SPOP: variants seen among roughly 807,000 people sequenced by gnomAD.
The protein encoded by SPOP is speckle-type POZ protein.
A neutral mutation model predicts 45.6 loss-of-function variants in SPOP; 11 were observed. The observed-to-expected ratio is 0.24, with a 90% CI of 0.15 to 0.40. SPOP has a LOEUF of 0.40. Among genes scored for constraint, SPOP ranks in the 10% least tolerant of loss-of-function variants. The pLI, the probability that SPOP is intolerant of heterozygous loss-of-function variation, is 1.00. For missense variants in SPOP, 152 were observed against 465.6 expected, an observed-to-expected ratio of 0.33 and a Z score of 6.20; for synonymous variants, 166 against 166.3, an observed-to-expected ratio of 1.00 and a Z score of 0.01.
At chr17:49,643,191 T>G (rs1182530157) in intron 1 of SPOP, among the ~76,000 whole-genome samples, 1 of 152,226 alleles carries the variant, frequency 6.6e-6, no homozygotes, top group African/African-American at 2.4e-5. Flanking sequence ...GAAGTCCTAC[T>G]CAAACGCTTG....
intron 1 of SPOP, among the ~76,000 whole-genome samples, chr17:49,667,254 A>G (rs1488892922): frequency 6.6e-6 from 1 of 151,502 alleles, no homozygotes; most frequent in Non-Finnish European, 1.5e-5. Flanking sequence ...TTTTTTTTTA[A>G]CAAAATAAGT....
intron 1 of SPOP, among the ~76,000 whole-genome samples, chr17:49,663,129 A>G (rs2073010627): frequency 6.6e-6 from 1 of 152,220 alleles, no homozygotes; most frequent in Non-Finnish European, 1.5e-5. Flanking sequence ...CCTGTTAGGA[A>G]CCAGGCGCAC....
At position 49,600,111 on chromosome 17, in the gene SPOP, C is replaced by A; in HGVS notation, c.*267G>T. On this transcript the variant is annotated 3_prime_UTR_variant, in exon 10 of 10. Transcript: ENST00000504102. This position sits in a 1 kb window ranked among gnomAD's most constrained non-coding sequence, Gnocchi z 4.2. ...CACCGCTGGGATATCCTCGGGCCAG[C>A]GCCTAAACTGAATCCCCACAGTATC... 1 of 469,394 alleles carries A rather than the reference C, an allele frequency of 2.1e-6. No individual in the cohort carries two copies. Among genetic ancestry groups the A allele is most frequent in the East Asian group, 3.4e-5 (1 of 29,420 alleles). The allele number at this position is 469,394 out of a possible 1,614,324, so 29.1% of individuals were successfully genotyped here.
intron 1 of SPOP, among the ~76,000 whole-genome samples, chr17:49,624,470 T>G (rs1482564796): frequency 2.0e-5 from 3 of 152,048 alleles, no homozygotes; most frequent in African/African-American, 7.2e-5. Context: ...ATATATACAA[T>G]TTTTACTATT....
At chr17:49,650,604 T>C (rs1250840121) in intron 1 of SPOP, among the ~76,000 whole-genome samples, 2 of 152,006 alleles carry the variant, frequency 1.3e-5, no homozygotes, top group African/African-American at 4.8e-5. Context: ...CAATAATAAA[T>C]AAATAAGTAG....
intron 1 of SPOP, among the ~76,000 whole-genome samples, chr17:49,669,822 A>T (rs1279080572): frequency 2.6e-5 from 4 of 151,848 alleles, no homozygotes; most frequent in African/African-American, 9.7e-5. Context: ...AAAAACTGTC[A>T]TTTTTATTTA....
At chr17:49,625,912 AC>A (rs1174486621) in intron 1 of SPOP, among the ~76,000 whole-genome samples, 3 of 152,234 alleles carry the variant, frequency 2.0e-5, no homozygotes, top group East Asian at 3.8e-4. Context: ...AAATAAGGAT[AC>A]AAAGAAAATA....
At chr17:49,644,758 TCA>T (rs2072723192) in intron 1 of SPOP, among the ~76,000 whole-genome samples, 1 of 152,176 alleles carries the variant, frequency 6.6e-6, no homozygotes, top group African/African-American at 2.4e-5. Context: ...ACATATATAC[TCA>T]CACATATGTA....
At chr17:49,606,498 T>C (rs2071851551) in intron 8 of SPOP, among the ~76,000 whole-genome samples, 1 of 119,562 alleles carries the variant, frequency 8.4e-6, no homozygotes, top group Non-Finnish European at 1.8e-5. Flanking sequence ...CTTTTTTCTT[T>C]TTTTTTTTTT....
At chr17:49,608,700 A>G (rs1312126268) in intron 6 of SPOP, among the ~76,000 whole-genome samples, 2 of 152,234 alleles carry the variant, frequency 1.3e-5, no homozygotes, top group Non-Finnish European at 2.9e-5. Context: ...AATCTCAACC[A>G]CGAAAAGTAA....
intron 1 of SPOP, among the ~76,000 whole-genome samples, chr17:49,632,495 CT>C (rs914600791): frequency 1.6e-3 from 228 of 145,378 alleles, no homozygotes; most frequent in Middle Eastern, 3.6e-3. Context: ...TTAAATTCTT[CT>C]TTTTTTTTTT....
At position 49,600,317 on chromosome 17, in the gene SPOP, G is replaced by C. The variant is rs2071716987; in HGVS notation, c.*61C>G. On this transcript the variant is annotated 3_prime_UTR_variant, in exon 10 of 10. Transcript: ENST00000504102. This position sits in a 1 kb window ranked among gnomAD's most constrained non-coding sequence, Gnocchi z 4.2. ...GATTGCGCTGTCTACCTGGTGGTCA[G>C]TGGCAGCAACAGTGGCTGCTGCTTC... The C allele has an allele frequency of 1.9e-6, 3 of 1,605,798 alleles. No homozygotes were observed. In the South Asian group the frequency reaches 3.3e-5, roughly 18 times the overall value.
At chr17:49,623,781 T>C (rs1217012982) in intron 1 of SPOP, among the ~76,000 whole-genome samples, 1 of 152,206 alleles carries the variant, frequency 6.6e-6, no homozygotes. Flanking sequence ...CTCTGTTTTG[T>C]GATCATTCCT....
intron 2 of SPOP, chr17:49,622,295 G>C (rs1469980975): frequency 1.6e-6 from 1 of 622,868 alleles, no homozygotes; most frequent in African/African-American, 1.8e-5. Context: ...TGGATGGAAA[G>C]TGAGAGAAAC....
intron 1 of SPOP, among the ~76,000 whole-genome samples, chr17:49,664,115 A>G (rs1597980944): frequency 6.6e-6 from 1 of 152,244 alleles, no homozygotes. Flanking sequence ...TGTAACAGTA[A>G]CATCAATATG....
intron 1 of SPOP, among the ~76,000 whole-genome samples, chr17:49,662,136 T>C (rs973681106): frequency 6.6e-6 from 1 of 152,000 alleles, no homozygotes; most frequent in Non-Finnish European, 1.5e-5. Flanking sequence ...GTATGAACTT[T>C]CTCTTCTATG....
chr17:49,631,193 TTATAAAA>T (rs2072445104), intron 1 of SPOP, among the ~76,000 whole-genome samples: 1 of 152,230 alleles, frequency 6.6e-6, no homozygotes, highest in East Asian at 1.9e-4. Context: ...TGGGGACTAT[TTATAAAA>T]CACGTGAAAA....
chr17:49,607,197 A>G, intron 8 of SPOP, 53 bp downstream of exon 8: 1 of 1,610,896 alleles, frequency 6.2e-7, no homozygotes, highest in Non-Finnish European at 8.5e-7. Context: ...TTCATGAAAC[A>G]CAAGAAGTCA....
chr17:49,625,132 TC>T (rs1245964313), intron 1 of SPOP, among the ~76,000 whole-genome samples: 1 of 152,084 alleles, frequency 6.6e-6, no homozygotes, highest in African/African-American at 2.4e-5. Context: ...TCCCAGATGA[TC>T]CTTTGAGAAC....
Sources: allele counts gnomAD v4.1 joint callset (sites outside exome capture counted in the v4.1 genomes callset), GRCh38; gene constraint gnomAD v4.1.1; non-coding constraint Gnocchi (gnomAD v3.1); transcripts MANE v1.5; gene names NCBI Gene and HGNC (gene_info 2026-07-23, HGNC 2026-07-21).